The following TDRD5 variants were observed in gnomAD, a reference collection of about 807,000 sequenced individuals.
The protein encoded by TDRD5 is tudor domain containing 5.
A neutral mutation model predicts 120.6 loss-of-function variants in TDRD5; 41 were observed. The ratio of observed to expected loss-of-function variants is 0.34; its 90% CI spans 0.26 to 0.44. The LOEUF (loss-of-function observed/expected upper bound fraction) is 0.44, where lower values mean the gene tolerates loss of function less well. Among genes scored for constraint, TDRD5 ranks in the 20% least tolerant of loss-of-function variants. The probability of loss-of-function intolerance (pLI) is 1.00; values close to 1 mark genes in which losing one functional copy is unlikely to be tolerated. For missense variants in TDRD5, 1,006 were observed against 1,221.2 expected, an observed-to-expected ratio of 0.82 and a Z score of 2.63; for synonymous variants, 430 against 433.7, an observed-to-expected ratio of 0.99 and a Z score of 0.11.
intron 17 of TDRD5, among the ~76,000 whole-genome samples, chr1:179,678,308 C>T (rs1370880222): frequency 6.6e-6 from 1 of 152,180 alleles, no homozygotes; most frequent in Non-Finnish European, 1.5e-5. Flanking sequence ...GTGACCAGGG[C>T]TGAGAATTTG....
chr1:179,622,799 A>G (rs1676909920), intron 6 of TDRD5, among the ~76,000 whole-genome samples: 1 of 152,178 alleles, frequency 6.6e-6, no homozygotes, highest in African/African-American at 2.4e-5. Flanking sequence ...CTATTAATAT[A>G]ATTGGAGCCT....
chr1:179,623,582 C>T (rs1257356224), intron 6 of TDRD5, among the ~76,000 whole-genome samples: 1 of 145,706 alleles, frequency 6.9e-6, no homozygotes, highest in Non-Finnish European at 1.5e-5. Flanking sequence ...TAGTCATATA[C>T]AGATTGTTTC....
rs71569263 is a variant in TDRD5 at position 179,659,550 on chromosome 1, CGTGTGTGTGTGTGTGT to C, written c.2323-2528_2323-2513del. On this transcript the variant is annotated intron_variant, in intron 14 of 17. Transcript: ENST00000444136. The stretch of plus-strand genomic sequence containing the variant: ...ATATCAGTATAGCCATTCCAGTTTT[CGTGTGTGTGTGTGTGT>C]GTGTGTGTGTGTGTGTGTGTGTGTG... 3.0e-3 allele frequency among the ~76,000 whole-genome samples: 384 copies of C among 129,884 alleles called. 1 individual carries two copies. Among genetic ancestry groups the C allele is most frequent in the African/African-American group, 0.01 (357 of 35,192 alleles). The allele number at this position is 129,884 out of a possible 152,430, so 85.2% of individuals were successfully genotyped here. A position where few individuals can be genotyped will look rare whatever the true frequency, so the allele number is the denominator to read the frequency against.
intron 11 of TDRD5, among the ~76,000 whole-genome samples, chr1:179,643,257 A>C (rs1378237302): frequency 6.6e-6 from 1 of 152,238 alleles, no homozygotes; most frequent in Non-Finnish European, 1.5e-5. Flanking sequence ...TGAGAAGAGC[A>C]TAACAGAATC....
Position 179,618,579 on chromosome 1 carries a change from T to G in TDRD5, c.832-20T>G, listed in dbSNP as rs1267564280. On this transcript the variant is annotated intron_variant, in intron 4 of 17. Coordinates refer to ENST00000444136, the MANE Select transcript of TDRD5 (RefSeq NM_001199085.3). ...TGGTCAGGGGGACTGTGACTTGACT[T>G]TTTTTTTCTTTTTTCATAGCTGGAG... 1.6e-5 allele frequency: 25 copies of G among 1,568,896 alleles called. No homozygotes were observed. Among genetic ancestry groups the G allele is most frequent in the Non-Finnish European group, 2.1e-5 (25 of 1,163,814 alleles).
intron 17 of TDRD5, among the ~76,000 whole-genome samples, chr1:179,688,073 T>C (rs1680846027): frequency 6.6e-6 from 1 of 152,208 alleles, no homozygotes; most frequent in Admixed American, 6.5e-5. Context: ...ATGTGTGAAT[T>C]TGATCCTGTC....
chr1:179,678,969 T>C (rs2147802175), intron 17 of TDRD5, among the ~76,000 whole-genome samples: 1 of 152,332 alleles, frequency 6.6e-6, no homozygotes, highest in Middle Eastern at 3.4e-3. Context: ...TTTTATCTTA[T>C]TACAAATAAA....
rs777262373 is a variant in TDRD5 at position 179,635,769 on chromosome 1, G to C, written c.1402G>C (p.Asp468His). The C allele has an allele frequency of 3.5e-5, 56 of 1,613,866 alleles. No homozygotes were observed. The highest frequency in any genetic ancestry group is 4.7e-5 in the Non-Finnish European group (55 of 1,180,016). ...GAAATTATGCAGACTCCCACCATTA[G>C]ACACCAGTTCCCTCATAGGGGTCTT... ...NKKLCRLPPL[D>H]TSSLIGVFVE... Residue 468 changes from aspartate to histidine, a missense_variant, in exon 9 of 18, where the codon GAC becomes CAC. By Grantham distance (81) the Asp-to-His change is moderately conservative. Coordinates refer to ENST00000444136, the MANE Select transcript of TDRD5 (RefSeq NM_001199085.3).
chr1:179,644,997 A>AATT (rs1221507613), intron 11 of TDRD5, among the ~76,000 whole-genome samples: 1 of 151,820 alleles, frequency 6.6e-6, no homozygotes, highest in Non-Finnish European at 1.5e-5. Context: ...TTCAGTTAAA[A>AATT]AATATTTTGT....
intron 6 of TDRD5, among the ~76,000 whole-genome samples, chr1:179,625,493 G>A (rs957758558): frequency 1.3e-5 from 2 of 152,134 alleles, no homozygotes; most frequent in Non-Finnish European, 2.9e-5. Context: ...AATTCTTTTT[G>A]TAAATGGCCC....
At position 179,655,055 on chromosome 1, in the gene TDRD5, C is replaced by T. The variant is rs114357793; in HGVS notation, c.2322+693C>T. Among the ~76,000 whole-genome samples the T allele has an allele frequency of 9.2e-3, 1,408 of 152,230 alleles. 26 individuals are homozygous for T. Among genetic ancestry groups the T allele is most frequent in the African/African-American group, 0.032 (1,322 of 41,538 alleles). On this transcript the variant is annotated intron_variant, in intron 14 of 17. Transcript: ENST00000444136. ...AACTTAAGATCCCCCATGACTCCTT[C>T]CCCTATATTTCCTGTTTCCCAGAGC...
At chr1:179,627,806 G>T (rs1013414576) in intron 6 of TDRD5, among the ~76,000 whole-genome samples, 3 of 152,190 alleles carry the variant, frequency 2.0e-5, no homozygotes, top group Non-Finnish European at 2.9e-5. Context: ...TTTAAAAATG[G>T]TAAATAAAGA....
chr1:179,609,595 G>A (rs1039506386), intron 4 of TDRD5, among the ~76,000 whole-genome samples: 1 of 152,134 alleles, frequency 6.6e-6, no homozygotes, highest in African/African-American at 2.4e-5. Flanking sequence ...CCAGTCTATG[G>A]TATTTTGTTA....
rs1680193116 is a variant in TDRD5 at position 179,677,409 on chromosome 1, A to T, written c.2860+8005A>T. Among the ~76,000 whole-genome samples the T allele has an allele frequency of 2.0e-5, 3 of 151,996 alleles. 1 individual carries two copies. The South Asian group carries it at 6.2e-4, about 32-fold the overall frequency. ...TGCTGGTGAGCTGGTGTGATCTTTT[A>T]GGGGTGTTAAAGAACCTTATTTTGT... is the stretch of plus-strand genomic sequence containing the variant. On this transcript the variant is annotated intron_variant, in intron 17 of 17. Transcript: ENST00000444136.
At position 179,669,386 on chromosome 1, in the gene TDRD5, GA is replaced by G; in HGVS notation, c.2846del (p.Lys949SerfsTer13). The G allele has an allele frequency of 1.2e-6, 2 of 1,614,140 alleles. No individual in the cohort carries two copies. The highest frequency in any genetic ancestry group is 1.1e-5 in the South Asian group (1 of 91,082). ...CSTTAVDDSA[E>X]KPSGSVESSP... is the part of the protein sequence containing the mutation. ...AACAACTGCAGTGGATGATTCCGCA[GA>G]AAAGCCCTCTGGTTCTGGTATGTTT... On this transcript the variant is annotated frameshift_variant, in exon 17 of 18. Coordinates refer to ENST00000444136, the MANE Select transcript of TDRD5 (RefSeq NM_001199085.3). LOFTEE classifies it high-confidence loss of function.
intron 15 of TDRD5, 146 bp downstream of exon 15, chr1:179,662,432 C>T: frequency 5.1e-6 from 4 of 786,934 alleles, no homozygotes; most frequent in Non-Finnish European, 5.6e-6. Context: ...GAGACCCTGT[C>T]TCTACTAAAA....
chr1:179,686,779 A>T (rs1303496811), intron 17 of TDRD5, among the ~76,000 whole-genome samples: 1 of 152,188 alleles, frequency 6.6e-6, no homozygotes, highest in Non-Finnish European at 1.5e-5. Context: ...GGGAGGGTGT[A>T]TGTGTCCAGG....
At chr1:179,630,061 G>A (rs942830986) in intron 6 of TDRD5, among the ~76,000 whole-genome samples, 7 of 150,450 alleles carry the variant, frequency 4.7e-5, no homozygotes, top group African/African-American at 1.7e-4. Context: ...CTCACTGCAA[G>A]CTCCACCTCC....
chr1:179,612,120 T>TA (rs1171469300), intron 4 of TDRD5, among the ~76,000 whole-genome samples: 10 of 152,322 alleles, frequency 6.6e-5, no homozygotes, highest in Admixed American at 3.3e-4. Context: ...AGTGTAAACT[T>TA]TTTTCTTTTT....
Sources: gnomAD v4.1 joint callset for allele counts (sites outside exome capture counted in the v4.1 genomes callset) on GRCh38, gnomAD v4.1.1 for gene constraint, MANE v1.5 for transcripts, NCBI Gene and HGNC (gene_info 2026-07-23, HGNC 2026-07-21) for gene names.